The following DYNC1I1 variants were observed in gnomAD, a reference collection of about 807,000 sequenced individuals.
DYNC1I1 encodes the protein cytoplasmic dynein 1 intermediate chain 1.
Under a neutral mutation model 86.6 loss-of-function variants are expected in DYNC1I1, and 43 were observed. That is an observed-to-expected ratio of 0.50 (90% confidence interval 0.39 to 0.64). The LOEUF is 0.64. DYNC1I1 is among the 30% of genes least tolerant of loss of function. The pLI is 0.00. For synonymous variants in DYNC1I1, 262 were observed against 283.7 expected, an observed-to-expected ratio of 0.92 and a Z score of 0.77; for missense variants, 604 against 788.8, an observed-to-expected ratio of 0.77 and a Z score of 2.81.
At chr7:95,846,933 T>G (rs1010592490) in intron 5 of DYNC1I1, among the ~76,000 whole-genome samples, 2 of 152,200 alleles carry the variant, frequency 1.3e-5, no homozygotes, top group Non-Finnish European at 2.9e-5. Flanking sequence ...ATGACTCCAT[T>G]GGGTGGCTCC....
intron 1 of DYNC1I1, among the ~76,000 whole-genome samples, chr7:95,795,965 A>G (rs1176396424): frequency 1.3e-5 from 2 of 151,318 alleles, no homozygotes; most frequent in African/African-American, 4.9e-5. Context: ...CTCCTCAGTG[A>G]TATGAAGAAG....
chr7:95,941,648 C>A (rs542314392), intron 6 of DYNC1I1, among the ~76,000 whole-genome samples: 1 of 152,190 alleles, frequency 6.6e-6, no homozygotes, highest in Non-Finnish European at 1.5e-5. Flanking sequence ...TTTTTAAGCC[C>A]GTTGGAAAAG....
At chr7:95,788,185 G>A (rs888380423) in intron 1 of DYNC1I1, among the ~76,000 whole-genome samples, 4 of 152,148 alleles carry the variant, frequency 2.6e-5, no homozygotes, top group African/African-American at 9.7e-5. Flanking sequence ...AGCTGTGTGG[G>A]AATGGGCTGC....
intron 7 of DYNC1I1, among the ~76,000 whole-genome samples, chr7:95,980,724 G>GA (rs1016864029): frequency 6.6e-6 from 1 of 151,470 alleles, no homozygotes; most frequent in Non-Finnish European, 1.5e-5. Context: ...CATAGAGTAG[G>GA]AAAAAAATCA....
At chr7:95,999,619 G>A (rs1011677773) in intron 10 of DYNC1I1, among the ~76,000 whole-genome samples, 5 of 152,244 alleles carry the variant, frequency 3.3e-5, no homozygotes, top group East Asian at 3.9e-4. Flanking sequence ...TCTGTATGAC[G>A]TTCCTGCTAA....
rs74505471 is a variant in DYNC1I1, at chr7:95,992,644, G to T, written c.844-3304G>T. ...ATGCTAGGTTCTTTTTTTTTTGACG[G>T]AGTCTTACTGTGTCACCCAGACTGG... On this transcript the variant is annotated intron_variant, in intron 9 of 16. Transcript: ENST00000447467. 4.6e-5 allele frequency among the ~76,000 whole-genome samples: 7 copies of T among 151,226 alleles called. No individual in the cohort carries two copies. The South Asian group carries it at 1.5e-3, about 32-fold the overall frequency.
At chr7:95,863,360 G>C (rs2116134241) in intron 5 of DYNC1I1, among the ~76,000 whole-genome samples, 1 of 152,172 alleles carries the variant, frequency 6.6e-6, no homozygotes, top group Admixed American at 6.5e-5. Flanking sequence ...GGAATGGGGA[G>C]TGACTGCCAG....
At chr7:96,016,456 T>C (rs1794405370) in intron 10 of DYNC1I1, among the ~76,000 whole-genome samples, 1 of 152,130 alleles carries the variant, frequency 6.6e-6, no homozygotes, top group Non-Finnish European at 1.5e-5. Flanking sequence ...GGAGACTGGA[T>C]GTTTTTCTTT....
At chr7:96,097,398 G>A (rs964609095) in intron 16 of DYNC1I1, 85 bp from the exon 17 acceptor site, 1 of 1,468,342 alleles carries the variant, frequency 6.8e-7, no homozygotes, top group Admixed American at 1.8e-5. Context: ...AGGGTGTGGG[G>A]GCAAAGGGAC....
At chr7:95,945,368 T>A (rs905462559) in intron 6 of DYNC1I1, among the ~76,000 whole-genome samples, 7 of 152,202 alleles carry the variant, frequency 4.6e-5, no homozygotes, top group African/African-American at 1.7e-4. Context: ...TTCCACTAAA[T>A]TTATAGCATC....
chr7:96,008,174 C>A (rs1409245963), intron 10 of DYNC1I1, among the ~76,000 whole-genome samples: 1 of 152,176 alleles, frequency 6.6e-6, no homozygotes, highest in Non-Finnish European at 1.5e-5. Flanking sequence ...GAATCCACAT[C>A]CTGATTTGCC....
intron 5 of DYNC1I1, among the ~76,000 whole-genome samples, chr7:95,852,804 T>A (rs900287217): frequency 2.0e-5 from 3 of 152,062 alleles, no homozygotes; most frequent in Non-Finnish European, 2.9e-5. Flanking sequence ...CCGCACCCGG[T>A]GTCTTCTCTA....
At chr7:95,868,177 C>T (rs1790064799) in intron 5 of DYNC1I1, among the ~76,000 whole-genome samples, 1 of 152,200 alleles carries the variant, frequency 6.6e-6, no homozygotes, top group Non-Finnish European at 1.5e-5. Context: ...GTGGTTCAGG[C>T]CTGCGTGGAG....
chr7:96,040,347 G>A (rs1788999907), intron 14 of DYNC1I1, among the ~76,000 whole-genome samples: 1 of 152,156 alleles, frequency 6.6e-6, no homozygotes, highest in Admixed American at 6.5e-5. Flanking sequence ...CAATAATCTA[G>A]GAAAGAAATG....
intron 9 of DYNC1I1, among the ~76,000 whole-genome samples, chr7:95,995,033 G>A (rs988276927): frequency 9.9e-5 from 15 of 152,002 alleles, no homozygotes; most frequent in African/African-American, 2.9e-4. Flanking sequence ...GGATCACGAG[G>A]TCAGGAGATC....
intron 4 of DYNC1I1, 62 bp downstream of exon 4, chr7:95,813,399 A>G: frequency 1.3e-6 from 2 of 1,493,640 alleles, no homozygotes. Context: ...AAAAACAGCA[A>G]CAACACCACT....
In DYNC1I1 at chr7:95,987,039, T is replaced by C. The variant is rs1241861548; in HGVS notation, c.744-17T>C. The C allele has an allele frequency of 6.2e-7, 1 of 1,608,366 alleles. No individual in the cohort carries two copies. Among genetic ancestry groups the C allele is most frequent in the Non-Finnish European group, 8.5e-7 (1 of 1,175,438 alleles). ...GAAAGAGCTCCATATTTATCTCTGA[T>C]GTTTAAATCCTCCTAGGGATGTTCA... On this transcript the variant is annotated splice_polypyrimidine_tract_variant and intron_variant, in intron 8 of 16. Coordinates refer to ENST00000447467, the MANE Select transcript of DYNC1I1 (RefSeq NM_001135556.2).
In DYNC1I1 at chr7:95,979,573, C is replaced by T. The variant is rs1258643741; in HGVS notation, c.580+1972C>T. Among the ~76,000 whole-genome samples the T allele has an allele frequency of 2.0e-5, 3 of 152,012 alleles. No homozygotes were observed. The East Asian group carries it at 5.8e-4, about 29-fold the overall frequency. ...TAGCTTTGAAATGAGAACATGGTTA[C>T]AGGGGCCCCAGCTAGCTAGTACATT... On this transcript the variant is annotated intron_variant, in intron 7 of 16. Transcript: ENST00000447467.
chr7:95,850,347 A>G (rs1251573875), intron 5 of DYNC1I1, among the ~76,000 whole-genome samples: 1 of 152,118 alleles, frequency 6.6e-6, no homozygotes, highest in Non-Finnish European at 1.5e-5. Flanking sequence ...TGGGTTTGTC[A>G]TATATGGCCT....
Sources: gnomAD v4.1 joint callset for allele counts (sites outside exome capture counted in the v4.1 genomes callset) on GRCh38, gnomAD v4.1.1 for gene constraint, MANE v1.5 for transcripts, NCBI Gene and HGNC (gene_info 2026-07-23, HGNC 2026-07-21) for gene names.